TENM1: variants seen among roughly 807,000 people sequenced by gnomAD.
TENM1 encodes teneurin transmembrane protein 1.
TENM1 carries 35 observed loss-of-function variants against 174.8 expected under a neutral mutation model. The observed-to-expected ratio is 0.20, with a 90% confidence interval of 0.15 to 0.27. TENM1 has a LOEUF of 0.27. Among genes scored for constraint, TENM1 ranks in the 10% least tolerant of loss-of-function variants. TENM1 has a pLI of 1.00. For missense variants in TENM1, 1,633 were observed against 2,130.1 expected, an observed-to-expected ratio of 0.77 and a Z score of 4.59; for synonymous variants, 781 against 798.7, an observed-to-expected ratio of 0.98 and a Z score of 0.37.
chrX:125,005,756 G>A, the TENM1 span, among the ~76,000 whole-genome samples: 2 of 110,766 alleles, frequency 1.8e-5, no homozygotes, highest in East Asian at 2.9e-4. Flanking sequence ...ATGGGACGTC[G>A]CTTCACCTGG....
chrX:124,937,003 G>A (rs1349387422), intron 1 of TENM1, among the ~76,000 whole-genome samples: 5 of 106,323 alleles, frequency 4.7e-5, no homozygotes, highest in Admixed American at 2.0e-4. Flanking sequence ...CCACGATCAC[G>A]CCATTGCACT....
At chrX:125,012,851 A>G in the TENM1 span, among the ~76,000 whole-genome samples, 3 of 112,171 alleles carry the variant, frequency 2.7e-5, no homozygotes, top group Non-Finnish European at 5.6e-5. Flanking sequence ...TACTTGAGGT[A>G]ATTCAGTATC....
chrX:124,800,129 G>A (rs910709513), intron 3 of TENM1, among the ~76,000 whole-genome samples: 1 of 111,707 alleles, frequency 9.0e-6, no homozygotes, highest in African/African-American at 3.3e-5. Flanking sequence ...AATGAGTTAG[G>A]GTGGAGTCCC....
intron 4 of TENM1, among the ~76,000 whole-genome samples, chrX:124,713,190 C>T (rs2053100555): frequency 9.0e-6 from 1 of 111,616 alleles, no homozygotes; most frequent in African/African-American, 3.3e-5. Context: ...TTTTCCTAGG[C>T]TTAAGTCTTA....
At chrX:124,978,327 A>C in the TENM1 span, among the ~76,000 whole-genome samples, 5 of 112,010 alleles carry the variant, frequency 4.5e-5, no homozygotes, top group African/African-American at 1.6e-4. Flanking sequence ...GCTAATTGCA[A>C]AAGCTGGAGA....
chrX:124,836,658 T>C (rs1052956140), intron 3 of TENM1, among the ~76,000 whole-genome samples: 4 of 112,589 alleles, frequency 3.6e-5, no homozygotes, highest in Admixed American at 2.8e-4. Context: ...ATTAGTCCTC[T>C]GTGTTTTCAC....
rs1262903979 is a variant in TENM1, at chrX:124,627,831, T to C, written c.2077+13960A>G. On this transcript the variant is annotated intron_variant, in intron 11 of 31. Coordinates refer to ENST00000422452, the Ensembl canonical transcript of TENM1. ...TCCAAGTTACAAACCTATTACTTTA[T>C]TAGACATTTTATCTAAAGCATATGC... Among the ~76,000 whole-genome samples, 8 of 111,980 alleles carry C rather than the reference T, an allele frequency of 7.1e-5. No individual in the cohort carries two copies. The East Asian group carries it at 2.2e-3, about 31-fold the overall frequency.
At chrX:125,107,203 G>C in the TENM1 span, among the ~76,000 whole-genome samples, 23 of 112,143 alleles carry the variant, frequency 2.1e-4, no homozygotes, top group African/African-American at 7.1e-4. Context: ...TCAGTGCCCT[G>C]TTTTATTTAT....
chrX:125,165,172 T>G, the TENM1 span, among the ~76,000 whole-genome samples: 1 of 111,597 alleles, frequency 9.0e-6, no homozygotes, highest in Admixed American at 9.5e-5. Context: ...ATTATACCAA[T>G]TCTTAACACC....
intron 11 of TENM1, among the ~76,000 whole-genome samples, chrX:124,569,455 A>G (rs2049010574): frequency 8.9e-6 from 1 of 112,030 alleles, no homozygotes; most frequent in South Asian, 3.7e-4. Context: ...CAAAATACAC[A>G]TAATGTATTT....
the TENM1 span, among the ~76,000 whole-genome samples, chrX:125,098,392 A>G: frequency 8.9e-6 from 1 of 112,444 alleles, no homozygotes; most frequent in Non-Finnish European, 1.9e-5. Context: ...AGAATAAATT[A>G]ATGAATGAAG....
chrX:124,666,884 C>CAA (rs35943452), intron 6 of TENM1, among the ~76,000 whole-genome samples: 1 of 110,398 alleles, frequency 9.1e-6, no homozygotes, highest in Non-Finnish European at 1.9e-5. Flanking sequence ...AAGACCAAGA[C>CAA]AAACCTCCCT....
intron 4 of TENM1, among the ~76,000 whole-genome samples, chrX:124,708,144 A>T (rs769509419): frequency 8.9e-6 from 1 of 112,514 alleles, no homozygotes; most frequent in African/African-American, 3.2e-5. Context: ...AGCCAACATC[A>T]CCTTGTACAT....
chrX:124,515,813 A>C (rs2047690005), intron 18 of TENM1, among the ~76,000 whole-genome samples: 1 of 108,915 alleles, frequency 9.2e-6, no homozygotes, highest in Non-Finnish European at 1.9e-5. Context: ...CAAACTACCA[A>C]TGACATTCTT....
chrX:124,583,197 G>A (rs1301193710), intron 11 of TENM1, among the ~76,000 whole-genome samples: 2 of 111,409 alleles, frequency 1.8e-5, no homozygotes, highest in African/African-American at 3.3e-5. Context: ...CTCCCAGCAC[G>A]CAGCTGGAGA....
chrX:125,066,662 AAAT>A, the TENM1 span, among the ~76,000 whole-genome samples: 4 of 111,897 alleles, frequency 3.6e-5, no homozygotes, highest in Non-Finnish European at 7.5e-5. Flanking sequence ...GTTAATTTTA[AAAT>A]AATATTTTAT....
At chrX:124,393,848 T>C (rs2060307211) in intron 27 of TENM1, among the ~76,000 whole-genome samples, 1 of 111,669 alleles carries the variant, frequency 9.0e-6, no homozygotes, top group Non-Finnish European at 1.9e-5. Context: ...TCAAACTAGT[T>C]ACTTGTCTGT....
the TENM1 span, among the ~76,000 whole-genome samples, chrX:125,098,005 T>C: frequency 8.9e-6 from 1 of 112,689 alleles, no homozygotes; most frequent in Non-Finnish European, 1.9e-5. Context: ...GGCTCACGCC[T>C]GTAATCCCAG....
At chrX:125,203,811 A>T in the TENM1 span, 1 of 112,650 alleles carries the variant, frequency 8.9e-6, no homozygotes. Flanking sequence ...TACCTATTCC[A>T]AGCGCAAGTT....
Sources: gnomAD v4.1 joint callset for allele counts (sites outside exome capture counted in the v4.1 genomes callset) on GRCh38, gnomAD v4.1.1 for gene constraint, MANE v1.5 for transcripts, NCBI Gene and HGNC (gene_info 2026-07-23, HGNC 2026-07-21) for gene names.